The following TTBK2 variants were observed in gnomAD, a reference collection of about 807,000 sequenced individuals.
TTBK2 encodes tau-tubulin kinase 2.
TTBK2 carries 28 observed loss-of-function variants against 110.8 expected under a neutral mutation model. That is an observed-to-expected ratio of 0.25 (90% confidence interval 0.19 to 0.35). The LOEUF is 0.35. Among genes scored for constraint, TTBK2 ranks in the 10% least tolerant of loss-of-function variants. The pLI, the probability that TTBK2 is intolerant of heterozygous loss-of-function variation, is 1.00. For synonymous variants in TTBK2, 532 were observed against 527.3 expected (o/e 1.01, Z -0.12); for missense variants, 1,369 against 1,500.3 (o/e 0.91, Z 1.45).
chr15:42,876,413 G>A (rs911677219), intron 2 of TTBK2, among the ~76,000 whole-genome samples: 6 of 152,088 alleles, frequency 3.9e-5, no homozygotes, highest in African/African-American at 1.4e-4. Context: ...TTAACACAGT[G>A]CTTACTATAA....
intron 1 of TTBK2, among the ~76,000 whole-genome samples, chr15:42,882,828 A>C (rs1311729579): frequency 1.3e-5 from 2 of 152,130 alleles, no homozygotes; most frequent in African/African-American, 4.8e-5. Context: ...ATTCTCAGAT[A>C]AAGGAAAATT....
intron 1 of TTBK2, among the ~76,000 whole-genome samples, chr15:42,913,517 A>G (rs1012524091): frequency 1.3e-5 from 2 of 152,010 alleles, no homozygotes; most frequent in African/African-American, 4.8e-5. Context: ...GGGCGCCTGT[A>G]GTCCCAGCTA....
chr15:42,786,618 A>AT (rs1427852383), intron 10 of TTBK2, among the ~76,000 whole-genome samples: 1 of 151,774 alleles, frequency 6.6e-6, no homozygotes, highest in East Asian at 1.9e-4. Flanking sequence ...CCACACCTCC[A>AT]TCTCTGAATA....
intron 4 of TTBK2, among the ~76,000 whole-genome samples, chr15:42,835,343 G>A (rs1040949610): frequency 6.6e-6 from 1 of 152,122 alleles, no homozygotes; most frequent in African/African-American, 2.4e-5. Flanking sequence ...CACCTCTGAA[G>A]TATCCTTGCA....
At chr15:42,888,144 T>C (rs1231308318) in intron 1 of TTBK2, among the ~76,000 whole-genome samples, 2 of 152,178 alleles carry the variant, frequency 1.3e-5, no homozygotes, top group Non-Finnish European at 2.9e-5. Context: ...ACTGCTTTAA[T>C]ACTTTTAGAG....
At chr15:42,842,988 C>T (rs982766753) in intron 3 of TTBK2, among the ~76,000 whole-genome samples, 1 of 152,134 alleles carries the variant, frequency 6.6e-6, no homozygotes, top group Non-Finnish European at 1.5e-5. Flanking sequence ...CTCTTGTCCT[C>T]CAGCTTCAAA....
At chr15:42,761,451 C>T (rs949041005) in intron 13 of TTBK2, among the ~76,000 whole-genome samples, 1 of 151,222 alleles carries the variant, frequency 6.6e-6, no homozygotes, top group African/African-American at 2.4e-5. Context: ...CAAAGGAAAA[C>T]CTTCTTCACA....
intron 1 of TTBK2, among the ~76,000 whole-genome samples, chr15:42,897,823 T>TACAC (rs60880098): frequency 0.016 from 2,273 of 140,728 alleles, 35 homozygotes; most frequent in Admixed American, 0.039. Context: ...CCAGTAGTGG[T>TACAC]ACACACACAC....
intron 14 of TTBK2, among the ~76,000 whole-genome samples, chr15:42,746,962 G>T (rs2061801412): frequency 7.0e-6 from 1 of 142,714 alleles, no homozygotes; most frequent in African/African-American, 2.9e-5. Flanking sequence ...TTGGGCCTCA[G>T]ATTTTTTTTT....
chr15:42,838,258 G>C (rs181057702), intron 4 of TTBK2, among the ~76,000 whole-genome samples: 5 of 151,974 alleles, frequency 3.3e-5, no homozygotes, highest in Non-Finnish European at 7.4e-5. Context: ...AACAACGTTT[G>C]CTTAAGATGA....
intron 4 of TTBK2, among the ~76,000 whole-genome samples, chr15:42,832,183 T>A (rs767377845): frequency 5.3e-5 from 8 of 151,938 alleles, no homozygotes; most frequent in Non-Finnish European, 8.8e-5. Context: ...TATAACCACA[T>A]GAGAGTACCT....
chr15:42,753,111 GAGA>G lies in TTBK2; in HGVS notation c.2132_2134del (p.Phe711del), dbSNP rs2061892821. On this transcript the variant is annotated inframe_deletion, in exon 14 of 15. Coordinates refer to ENST00000267890, the MANE Select transcript of TTBK2 (RefSeq NM_173500.4). The stretch of plus-strand genomic sequence containing the variant: ...TTCACCCTCTGTCACAACCAAGCCA[GAGA>G]AGTTTTCCCTTGGAGAGTAAAGTTC... 1.3e-6 allele frequency: 2 copies of G among 1,598,178 alleles called. No individual in the cohort carries two copies. Among genetic ancestry groups the G allele is most frequent in the Non-Finnish European group, 1.7e-6 (2 of 1,173,768 alleles).
At position 42,742,926 on chromosome 15, in the gene TTBK2, A is replaced by G. The variant is rs1388899366; in HGVS notation, c.*2869T>C. 6.6e-6 allele frequency: 1 copy of G among 152,194 alleles called. No homozygotes were observed. Among genetic ancestry groups the G allele is most frequent in the African/African-American group, 2.4e-5 (1 of 41,448 alleles). 9.4% of individuals were successfully genotyped at this position (152,194 alleles called of 1,614,324 possible). ...CAAACCAAATCAAACCAAAAACCTC[A>G]TTCTCTGTATCATACTTTAAAACTA... On this transcript the variant is annotated 3_prime_UTR_variant, in exon 15 of 15. Transcript: ENST00000267890.
chr15:42,854,720 T>A (rs1893861264), intron 3 of TTBK2, among the ~76,000 whole-genome samples: 1 of 152,026 alleles, frequency 6.6e-6, no homozygotes, highest in South Asian at 2.1e-4. Context: ...TGGCTTCCAT[T>A]ATAATAAAGA....
At chr15:42,847,311 TATATATTCTGAA>T (rs1055493034) in intron 3 of TTBK2, among the ~76,000 whole-genome samples, 1 of 152,266 alleles carries the variant, frequency 6.6e-6, no homozygotes, top group Non-Finnish European at 1.5e-5. Context: ...CAGAGTGCTT[TATATATTCTGAA>T]AATAAGTCCT....
At chr15:42,868,454 G>A (rs1052228488) in intron 3 of TTBK2, among the ~76,000 whole-genome samples, 14 of 152,120 alleles carry the variant, frequency 9.2e-5, no homozygotes, top group African/African-American at 3.1e-4. Context: ...TGTGAGGGCA[G>A]GCAATATATA....
At chr15:42,816,843 C>A (rs895114102) in intron 7 of TTBK2, among the ~76,000 whole-genome samples, 189 bp downstream of exon 7, 2 of 151,720 alleles carry the variant, frequency 1.3e-5, no homozygotes, top group Non-Finnish European at 2.9e-5. Flanking sequence ...CACTTGAACC[C>A]GGGAGGCAGA....
chr15:42,771,602 T>G (rs1889682439), intron 13 of TTBK2, among the ~76,000 whole-genome samples: 1 of 152,206 alleles, frequency 6.6e-6, no homozygotes, highest in Non-Finnish European at 1.5e-5. Flanking sequence ...TAAATTTTAT[T>G]AGTGCTGGTA....
intron 11 of TTBK2, among the ~76,000 whole-genome samples, chr15:42,779,890 G>A (rs183362070): frequency 0.011 from 1,693 of 152,044 alleles, 14 homozygotes; most frequent in Non-Finnish European, 0.02. Flanking sequence ...GACGAGGCAC[G>A]AGAATCACAA....
Sources: allele counts gnomAD v4.1 joint callset (sites outside exome capture counted in the v4.1 genomes callset), GRCh38; gene constraint gnomAD v4.1.1; transcripts MANE v1.5; gene names NCBI Gene and HGNC (gene_info 2026-07-23, HGNC 2026-07-21).